The following TF variants were observed in gnomAD, a reference collection of about 807,000 sequenced individuals.
The protein encoded by TF is transferrin, also known as serotransferrin.
Under a neutral mutation model 82.4 loss-of-function variants are expected in TF, and 55 were observed. The ratio of observed to expected loss-of-function variants is 0.67; its 90% CI spans 0.54 to 0.84. The LOEUF (loss-of-function observed/expected upper bound fraction) is 0.84. TF is among the 40% of genes least tolerant of loss of function. The pLI, the probability that TF is intolerant of heterozygous loss-of-function variation, is 0.00. For missense variants in TF, 737 were observed against 868.4 expected (o/e 0.85, Z 1.90); for synonymous variants, 332 against 332.6 (o/e 1.00, Z 0.02).
At chr3:133,699,373 AG>A in the TF span, 1 of 774,632 alleles carries the variant, frequency 1.3e-6, no homozygotes. Context: ...TGGTTCGGTG[AG>A]GGGCATGGGT....
Position 133,757,837 on chromosome 3 carries a change from G to C in TF, c.939G>C (p.Leu313=). The change falls in exon 8 of 17, where the codon CTG becomes CTC. Residue 313 remains leucine (L), a synonymous_variant. Coordinates refer to ENST00000402696, the MANE Select transcript of TF (RefSeq NM_001063.4). ...GCTCTCCTCATGGGAAGGACCTGCT[G>C]TTTAAGGACTCTGCCCACGGGTTTT... ...LFSSPHGKDL[L]FKDSAHGFLK... is the part of the protein sequence containing the mutation. 1 of 1,614,230 alleles carries C rather than the reference G, an allele frequency of 6.2e-7. No homozygotes were observed. The highest frequency in any genetic ancestry group is 8.5e-7 in the Non-Finnish European group (1 of 1,180,030).
the TF span, among the ~76,000 whole-genome samples, chr3:133,724,263 G>T: frequency 1.3e-5 from 2 of 152,174 alleles, no homozygotes; most frequent in Non-Finnish European, 2.9e-5. Flanking sequence ...CTAGTTTACA[G>T]TTCCACCAAC....
rs1391476540 is a variant in TF at position 133,754,568 on chromosome 3, C to G, written c.399C>G (p.Gly133=). The G allele has an allele frequency of 6.2e-7, 1 of 1,614,212 alleles. No homozygotes were observed. The highest frequency in any genetic ancestry group is 1.1e-5 in the South Asian group (1 of 91,082). ...GCTTCCAGATGAACCAGCTTCGAGG[C>G]AAGAAGTCCTGCCACACGGGTCTAG... ...DSGFQMNQLR[G]KKSCHTGLGR... is the part of the protein sequence containing the mutation. Residue 133 remains glycine, a synonymous_variant, in exon 4 of 17, where the codon GGC becomes GGG. Coordinates refer to ENST00000402696, the MANE Select transcript of TF (RefSeq NM_001063.4).
chr3:133,741,740 G>T (rs1254196181), upstream of TF, among the ~76,000 whole-genome samples: 3 of 152,160 alleles, frequency 2.0e-5, no homozygotes, highest in Non-Finnish European at 1.5e-5. Context: ...TACTTGAAAA[G>T]ATAGCTTACA....
rs368521553 is a variant in TF at position 133,746,491 on chromosome 3, C to T, written c.43+8C>T. The T allele has an allele frequency of 6.3e-7, 1 of 1,595,412 alleles. No homozygotes were observed. Among genetic ancestry groups the T allele is most frequent in the South Asian group, 1.1e-5 (1 of 89,086 alleles). ...TGGTCTGCGCCGTCCTGGGTGAGTG[C>T]GGGCACGGGGTAGCACCGCAGAGTC... On this transcript the variant is annotated splice_region_variant and intron_variant, in intron 1 of 16. Coordinates refer to ENST00000402696, the MANE Select transcript of TF (RefSeq NM_001063.4).
the TF span, among the ~76,000 whole-genome samples, chr3:133,675,306 A>C: frequency 6.6e-6 from 1 of 152,004 alleles, no homozygotes; most frequent in Non-Finnish European, 1.5e-5. Flanking sequence ...ATGTGACATG[A>C]AAATTATATA....
At chr3:133,735,535 T>C in the TF span, among the ~76,000 whole-genome samples, 1 of 152,008 alleles carries the variant, frequency 6.6e-6, no homozygotes, top group Admixed American at 6.6e-5. Flanking sequence ...TCTAACCCAA[T>C]GCAAGGAAGC....
the TF span, among the ~76,000 whole-genome samples, chr3:133,731,407 T>C: frequency 6.6e-6 from 1 of 152,224 alleles, no homozygotes; most frequent in East Asian, 1.9e-4. Context: ...AGTCCTAGAT[T>C]CTAGCTTTCC....
intron 15 of TF, 75 bp downstream of exon 15, chr3:133,775,692 G>A (rs553097082): frequency 3.0e-4 from 435 of 1,460,094 alleles, no homozygotes; most frequent in Non-Finnish European, 3.8e-4. Flanking sequence ...TTACAACAAA[G>A]TGCAGCCATG....
the TF span, among the ~76,000 whole-genome samples, chr3:133,687,822 A>T: frequency 6.6e-6 from 1 of 152,192 alleles, no homozygotes; most frequent in Non-Finnish European, 1.5e-5. Flanking sequence ...TTGTTCATGC[A>T]TTCATCTGTT....
chr3:133,757,825 G>A lies in TF; in HGVS notation c.927G>A (p.Gly309=). Residue 309 remains glycine, a synonymous_variant, in exon 8 of 17, where the codon GGG becomes GGA. Coordinates refer to ENST00000402696, the MANE Select transcript of TF (RefSeq NM_001063.4). The part of the protein sequence containing the change: ...KEFQLFSSPH[G]KDLLFKDSAH... ...TCCAACTATTCAGCTCTCCTCATGG[G>A]AAGGACCTGCTGTTTAAGGACTCTG... 1 of 1,614,216 alleles carries A rather than the reference G, an allele frequency of 6.2e-7. No homozygotes were observed. Among genetic ancestry groups the A allele is most frequent in the Non-Finnish European group, 8.5e-7 (1 of 1,180,034 alleles).
At chr3:133,755,743 C>T (rs574096396) in intron 5 of TF, 2 of 569,358 alleles carry the variant, frequency 3.5e-6, no homozygotes, top group East Asian at 3.1e-5. Context: ...AGCCCTCAAG[C>T]CTGGTCAGTG....
upstream of TF, among the ~76,000 whole-genome samples, chr3:133,742,794 G>A (rs1559864544): frequency 6.6e-6 from 1 of 152,192 alleles, no homozygotes; most frequent in Non-Finnish European, 1.5e-5. Flanking sequence ...ACAAATATTG[G>A]TTCAGAGGCC....
Position 133,764,928 on chromosome 3 carries a change from T to C in TF, c.1330+21T>C, listed in dbSNP as rs1413904922. ...GGCAGGTGAGTTTGAATTGGTAACC[T>C]CTGGAGTTAAAAGATAAATTCCCAT... On this transcript the variant is annotated intron_variant, in intron 11 of 16. Coordinates refer to ENST00000402696, the MANE Select transcript of TF (RefSeq NM_001063.4). The C allele has an allele frequency of 1.9e-6, 3 of 1,612,790 alleles. No individual in the cohort carries two copies. The African/African-American group carries it at 4.0e-5, about 21-fold the overall frequency.
chr3:133,668,383 A>G, the TF span, among the ~76,000 whole-genome samples: 144 of 152,328 alleles, frequency 9.5e-4, no homozygotes, highest in Middle Eastern at 3.4e-3. Context: ...CTGGAGAGCA[A>G]CGAGCAAAGG....
the TF span, among the ~76,000 whole-genome samples, chr3:133,736,951 G>A: frequency 2.6e-4 from 39 of 152,134 alleles, no homozygotes; most frequent in African/African-American, 9.2e-4. Context: ...CTTGAACTCA[G>A]CTCTGGACCA....
the TF span, among the ~76,000 whole-genome samples, chr3:133,678,912 AC>A: frequency 2.0e-5 from 3 of 151,578 alleles, no homozygotes; most frequent in South Asian, 6.3e-4. Flanking sequence ...TCACTCTGTT[AC>A]CCAGGCTGGA....
intron 9 of TF, 60 bp from the exon 10 acceptor site, chr3:133,764,122 A>G (rs538039848): frequency 1.4e-6 from 2 of 1,478,970 alleles, no homozygotes; most frequent in East Asian, 4.5e-5. Context: ...ACAGCTGGAA[A>G]AGTGGGTGGC....
At chr3:133,752,282 G>C (rs941811117) in intron 2 of TF, among the ~76,000 whole-genome samples, 1 of 151,994 alleles carries the variant, frequency 6.6e-6, no homozygotes, top group Non-Finnish European at 1.5e-5. Context: ...TGTTTTGGTA[G>C]AGACAGTGTT....
Sources: allele counts gnomAD v4.1 joint callset (sites outside exome capture counted in the v4.1 genomes callset), GRCh38; gene constraint gnomAD v4.1.1; transcripts MANE v1.5; gene names NCBI Gene and HGNC (gene_info 2026-07-23, HGNC 2026-07-21).